Variants in PDZRN4 observed in about 807,000 individuals in gnomAD.
PDZRN4 encodes PDZ domain containing ring finger 4.
PDZRN4 carries 70 observed loss-of-function variants against 99.0 expected under a neutral mutation model. The observed-to-expected ratio is 0.71, with a 90% CI of 0.58 to 0.86. The LOEUF is 0.86. Among genes scored for constraint, PDZRN4 ranks in the 40% least tolerant of loss-of-function variants. The probability of loss-of-function intolerance (pLI) is 0.00; values close to 1 mark genes in which losing one functional copy is unlikely to be tolerated. For synonymous variants in PDZRN4, 551 were observed against 501.6 expected (o/e 1.10, Z -1.32); for missense variants, 1,474 against 1,331.2 (o/e 1.11, Z -1.67).
At chr12:41,529,076 C>A (rs1938617376) in intron 5 of PDZRN4, among the ~76,000 whole-genome samples, 1 of 152,152 alleles carries the variant, frequency 6.6e-6, no homozygotes, top group South Asian at 2.1e-4. Context: ...AAGTAATTTG[C>A]AGAATCTCCG....
intron 3 of PDZRN4, among the ~76,000 whole-genome samples, chr12:41,359,181 T>C (rs952561996): frequency 6.6e-6 from 1 of 151,112 alleles, no homozygotes; most frequent in African/African-American, 2.4e-5. Flanking sequence ...ACTTCTAACA[T>C]TTTTTTTTAT....
chr12:41,253,121 C>T (rs1356800624), intron 3 of PDZRN4, among the ~76,000 whole-genome samples: 1 of 152,116 alleles, frequency 6.6e-6, no homozygotes, highest in Admixed American at 6.5e-5. Context: ...TATTGATTAT[C>T]ATTTTACTTT....
chr12:41,188,904 CGGGCGGCCGCTGGGGCCGCG>C lies in PDZRN4; in HGVS notation c.452_471del (p.Gly151AlafsTer64). On this transcript the variant is annotated frameshift_variant, in exon 1 of 10. Coordinates refer to ENST00000402685, the MANE Select transcript of PDZRN4 (RefSeq NM_001164595.2). LOFTEE classifies it high-confidence loss of function. ...GGCGGGGGCGCGCGCGGGGGGCCGC[CGGGCGGCCGCTGGGGCCGCG>C]GGCGGGGACCCGGGCCTCGGGTCCT... The C allele has an allele frequency of 2.7e-6, 3 of 1,107,808 alleles. No homozygotes were observed. The highest frequency in any genetic ancestry group is 8.6e-5 in the South Asian group (2 of 23,328). The allele number at this position is 1,107,808 out of a possible 1,614,324, so 68.6% of individuals were successfully genotyped here.
intron 5 of PDZRN4, among the ~76,000 whole-genome samples, chr12:41,541,507 G>A (rs147103422): frequency 6.7e-6 from 1 of 149,346 alleles, no homozygotes; most frequent in African/African-American, 2.5e-5. Flanking sequence ...GGAGTGGAGT[G>A]CAGTGGCTCA....
At chr12:41,225,155 A>G (rs1220857692) in intron 3 of PDZRN4, among the ~76,000 whole-genome samples, 2 of 152,172 alleles carry the variant, frequency 1.3e-5, no homozygotes, top group Non-Finnish European at 2.9e-5. Flanking sequence ...AAGAAATAGT[A>G]CATTATGAAT....
chr12:41,309,268 G>T (rs144492260), intron 3 of PDZRN4, among the ~76,000 whole-genome samples: 1 of 152,116 alleles, frequency 6.6e-6, no homozygotes, highest in African/African-American at 2.4e-5. Context: ...AATTTGTAAT[G>T]ATCAGAAATT....
At chr12:41,192,231 G>C (rs1304410215) in intron 2 of PDZRN4, among the ~76,000 whole-genome samples, 1 of 151,632 alleles carries the variant, frequency 6.6e-6, no homozygotes, top group Non-Finnish European at 1.5e-5. Context: ...AACCACCCAA[G>C]TAGCTGGGAT....
intron 3 of PDZRN4, among the ~76,000 whole-genome samples, chr12:41,475,720 C>T (rs1953036254): frequency 6.6e-6 from 1 of 152,164 alleles, no homozygotes; most frequent in African/African-American, 2.4e-5. Context: ...TACATAATTT[C>T]ATGAAAACCA....
At chr12:41,365,299 C>A (rs756474466) in intron 3 of PDZRN4, among the ~76,000 whole-genome samples, 1 of 151,806 alleles carries the variant, frequency 6.6e-6, no homozygotes, top group African/African-American at 2.4e-5. Flanking sequence ...AGCTTAGCCT[C>A]GATCATATTA....
chr12:41,494,013 C>G (rs1181504707), intron 3 of PDZRN4, among the ~76,000 whole-genome samples: 1 of 151,176 alleles, frequency 6.6e-6, no homozygotes, highest in African/African-American at 2.4e-5. Context: ...CCTTGGAGAG[C>G]ATTTTGTCTA....
chr12:41,447,016 G>A (rs549911869), intron 3 of PDZRN4, among the ~76,000 whole-genome samples: 10 of 152,144 alleles, frequency 6.6e-5, no homozygotes, highest in African/African-American at 9.6e-5. Flanking sequence ...GATATGGGAC[G>A]ACTATAGTTA....
At chr12:41,286,141 A>G (rs79689769) in intron 3 of PDZRN4, among the ~76,000 whole-genome samples, 2,344 of 152,232 alleles carry the variant, frequency 0.015, 23 homozygotes, top group Middle Eastern at 0.034. Context: ...GAGTTGTCAC[A>G]CTAAGGAGAC....
chr12:41,350,243 C>T (rs1477675672), intron 3 of PDZRN4, among the ~76,000 whole-genome samples: 2 of 151,974 alleles, frequency 1.3e-5, no homozygotes, highest in African/African-American at 2.4e-5. Context: ...AGTGTGCTCC[C>T]GTGGCTTACT....
intron 3 of PDZRN4, among the ~76,000 whole-genome samples, chr12:41,382,710 G>A (rs1346985138): frequency 1.3e-5 from 2 of 152,108 alleles, no homozygotes; most frequent in African/African-American, 4.8e-5. Context: ...AGACATGGAG[G>A]GACTTAGGTG....
chr12:41,261,383 G>A (rs1222258553), intron 3 of PDZRN4, among the ~76,000 whole-genome samples: 2 of 152,228 alleles, frequency 1.3e-5, no homozygotes, highest in African/African-American at 4.8e-5. Context: ...ACTTGTGATA[G>A]ATGAGTTCTG....
intron 3 of PDZRN4, among the ~76,000 whole-genome samples, chr12:41,427,869 C>T (rs1042576734): frequency 5.3e-5 from 8 of 152,274 alleles, no homozygotes; most frequent in African/African-American, 1.7e-4. Flanking sequence ...GGGCAGATCA[C>T]CTGAGGTCAG....
At chr12:41,292,445 G>C (rs1031658247) in intron 3 of PDZRN4, among the ~76,000 whole-genome samples, 2 of 152,154 alleles carry the variant, frequency 1.3e-5, no homozygotes, top group African/African-American at 2.4e-5. Flanking sequence ...GGCCCTGTAA[G>C]AAATGTTCAC....
intron 3 of PDZRN4, among the ~76,000 whole-genome samples, chr12:41,414,700 A>G (rs1172639331): frequency 6.6e-6 from 1 of 152,192 alleles, no homozygotes; most frequent in East Asian, 1.9e-4. Flanking sequence ...GCAGATAAGC[A>G]TATATGAAAT....
chr12:41,512,534 G>A (rs906401832), intron 5 of PDZRN4, among the ~76,000 whole-genome samples: 1 of 152,052 alleles, frequency 6.6e-6, no homozygotes, highest in Non-Finnish European at 1.5e-5. Context: ...GTAGCAAAGA[G>A]ACCAGTGAGA....
Sources: allele counts gnomAD v4.1 joint callset (sites outside exome capture counted in the v4.1 genomes callset), GRCh38; gene constraint gnomAD v4.1.1; transcripts MANE v1.5; gene names NCBI Gene and HGNC (gene_info 2026-07-23, HGNC 2026-07-21).